The following AGAP1 variants were observed in gnomAD, a reference collection of about 807,000 sequenced individuals.
The protein encoded by AGAP1 is arf-GAP with GTPase, ANK repeat and PH domain-containing protein 1.
A neutral mutation model predicts 105.3 loss-of-function variants in AGAP1; 29 were observed. The ratio of observed to expected loss-of-function variants is 0.28; its 90% CI spans 0.21 to 0.38. AGAP1 has a LOEUF of 0.38. Ranked by LOEUF, AGAP1 falls within the 10% of genes least tolerant of loss-of-function variation. AGAP1 has a pLI of 1.00. For missense variants in AGAP1, 998 were observed against 1,165.1 expected, an observed-to-expected ratio of 0.86 and a Z score of 2.09; for synonymous variants, 509 against 485.9, an observed-to-expected ratio of 1.05 and a Z score of -0.63.
intron 9 of AGAP1, among the ~76,000 whole-genome samples, chr2:235,832,533 G>A (rs1559540503): frequency 1.3e-5 from 2 of 152,194 alleles, no homozygotes; most frequent in Non-Finnish European, 2.9e-5. Context: ...TTTATACATT[G>A]TATGAAATGT....
intron 1 of AGAP1, among the ~76,000 whole-genome samples, chr2:235,694,727 T>G (rs1949917572): frequency 6.6e-6 from 1 of 152,096 alleles, no homozygotes; most frequent in South Asian, 2.1e-4. Flanking sequence ...CTCAGGCATC[T>G]CCTGGGCACC....
chr2:235,631,362 C>T lies in AGAP1; in HGVS notation c.164-77817C>T, dbSNP rs1251225114. Among the ~76,000 whole-genome samples, 1 of 152,160 alleles carries T rather than the reference C, an allele frequency of 6.6e-6. No homozygotes were observed. The highest frequency in any genetic ancestry group is 2.4e-5 in the African/African-American group (1 of 41,448). On this transcript the variant is annotated intron_variant, in intron 1 of 17. Coordinates refer to ENST00000304032, the MANE Select transcript of AGAP1 (RefSeq NM_001037131.3). This position sits in a 1 kb window ranked among gnomAD's most constrained non-coding sequence, Gnocchi z 5.4. ...AGGACGATGGATTAGCCAACCATGA[C>T]CGGCCAGGCTGTGCGAGCTAGCCAA...
intron 16 of AGAP1, among the ~76,000 whole-genome samples, chr2:236,112,466 A>G (rs1284145746): frequency 6.6e-6 from 1 of 150,968 alleles, no homozygotes; most frequent in African/African-American, 2.4e-5. Context: ...CACAACCCTG[A>G]CTTGCACATT....
chr2:235,870,244 A>T (rs549876535), intron 9 of AGAP1, among the ~76,000 whole-genome samples: 73 of 152,348 alleles, frequency 4.8e-4, no homozygotes, highest in African/African-American at 1.7e-3. Context: ...GGTTCCTTGC[A>T]TGTGGTCCTC....
intron 1 of AGAP1, among the ~76,000 whole-genome samples, chr2:235,509,485 A>C (rs1394212945): frequency 1.3e-5 from 2 of 152,236 alleles, no homozygotes; most frequent in African/African-American, 4.8e-5. Flanking sequence ...CACCCTCCTC[A>C]GCCTCCCAAA....
At chr2:235,784,116 TTAA>T (rs1956458317) in intron 6 of AGAP1, among the ~76,000 whole-genome samples, 1 of 152,136 alleles carries the variant, frequency 6.6e-6, no homozygotes, top group South Asian at 2.1e-4. Context: ...AAAAAATGTG[TTAA>T]TAAAATATAG....
chr2:235,715,189 A>G (rs1379013277), intron 2 of AGAP1, among the ~76,000 whole-genome samples: 2 of 151,460 alleles, frequency 1.3e-5, no homozygotes, highest in Non-Finnish European at 2.9e-5. Flanking sequence ...CTTTATTTCC[A>G]TCTCTCCTCC....
rs1014894819 is a variant in AGAP1 at position 235,690,864 on chromosome 2, GTT to G, written c.164-18312_164-18311del. On this transcript the variant is annotated intron_variant, in intron 1 of 17. Transcript: ENST00000304032. This position sits in a 1 kb window ranked among gnomAD's most constrained non-coding sequence, Gnocchi z 4.1. ...TTGGTTTCGAGAAGTCAAAATCAATGTTTTATTTTCAGAGTTCTAAATCCAGC... is the reference window on the plus strand; with the variant it reads ...TTGGTTTCGAGAAGTCAAAATCAATGTTATTTTCAGAGTTCTAAATCCAGC... 9.9e-5 allele frequency among the ~76,000 whole-genome samples: 15 copies of G among 152,168 alleles called. No homozygotes were observed. Among genetic ancestry groups the G allele is most frequent in the Admixed American group, 7.2e-4 (11 of 15,274 alleles).
chr2:235,916,007 T>C (rs757783616), intron 11 of AGAP1, among the ~76,000 whole-genome samples: 1 of 152,140 alleles, frequency 6.6e-6, no homozygotes, highest in Non-Finnish European at 1.5e-5. Context: ...AATGGAAATA[T>C]TCCCTCCTAA....
In AGAP1 at chr2:235,898,014, G is replaced by A. The variant is rs958365152; in HGVS notation, c.1156-10724G>A. 7.9e-5 allele frequency among the ~76,000 whole-genome samples: 12 copies of A among 152,160 alleles called. No individual in the cohort carries two copies. In the South Asian group the frequency reaches 2.5e-3, roughly 32 times the overall value. On this transcript the variant is annotated intron_variant, in intron 10 of 17. Coordinates refer to ENST00000304032, the MANE Select transcript of AGAP1 (RefSeq NM_001037131.3). The stretch of plus-strand genomic sequence containing the variant: ...TTTTCTAATCAACAGCAATCTAGCT[G>A]CAGCCCCCTCGATGGCTGGGAGGGC...
At chr2:236,006,931 C>A (rs2056341441) in intron 13 of AGAP1, among the ~76,000 whole-genome samples, 1 of 152,044 alleles carries the variant, frequency 6.6e-6, no homozygotes, top group Non-Finnish European at 1.5e-5. Context: ...ACTTTTTATT[C>A]CGTTGTTGTG....
chr2:236,071,913 C>A (rs919836519), intron 16 of AGAP1, among the ~76,000 whole-genome samples: 6 of 152,008 alleles, frequency 3.9e-5, no homozygotes, highest in African/African-American at 1.4e-4. Flanking sequence ...GTTTTAAAAA[C>A]CAATCCAGAT....
rs933250021 is a variant in AGAP1 at position 235,843,921 on chromosome 2, C to T, written c.1050+36590C>T. Among the ~76,000 whole-genome samples the T allele has an allele frequency of 6.6e-6, 1 of 152,230 alleles. No homozygotes were observed. The highest frequency in any genetic ancestry group is 1.5e-5 in the Non-Finnish European group (1 of 68,048). ...GTGTGGAGCTGGCCGAGAAAGGAGC[C>T]TGCTTCCCAGCATGGCCTCACATTG... On this transcript the variant is annotated intron_variant, in intron 9 of 17. Transcript: ENST00000304032. The surrounding 1 kb of genome is among the most constrained non-coding windows in gnomAD (Gnocchi z 5.9).
chr2:235,653,811 C>G (rs1388292754), intron 1 of AGAP1, among the ~76,000 whole-genome samples: 2 of 152,230 alleles, frequency 1.3e-5, no homozygotes, highest in South Asian at 2.1e-4. Context: ...AATCACAACA[C>G]TTTGGATGGC....
At chr2:235,534,692 A>G (rs1380298106) in intron 1 of AGAP1, among the ~76,000 whole-genome samples, 1 of 152,220 alleles carries the variant, frequency 6.6e-6, no homozygotes, top group Non-Finnish European at 1.5e-5. Flanking sequence ...CCTCAGGGAT[A>G]CACGGTGCCA....
chr2:235,666,821 T>G (rs1374811415), intron 1 of AGAP1, among the ~76,000 whole-genome samples: 1 of 152,006 alleles, frequency 6.6e-6, no homozygotes, highest in Non-Finnish European at 1.5e-5. Flanking sequence ...GCCAGATAGA[T>G]TTACATACCT....
rs549963429 is a variant in AGAP1, at chr2:235,908,144, A to G, written c.1156-594A>G. 2.0e-5 allele frequency among the ~76,000 whole-genome samples: 3 copies of G among 152,260 alleles called. No individual in the cohort carries two copies. Among genetic ancestry groups the G allele is most frequent in the East Asian group, 1.9e-4 (1 of 5,178 alleles). On this transcript the variant is annotated intron_variant, in intron 10 of 17. Coordinates refer to ENST00000304032, the MANE Select transcript of AGAP1 (RefSeq NM_001037131.3). This position sits in a 1 kb window ranked among gnomAD's most constrained non-coding sequence, Gnocchi z 4.4. The stretch of plus-strand genomic sequence containing the variant: ...TTAAGTGAGCTGCCAGAGAGCAGTC[A>G]CTGTCCACCGAGGCTTCCCTGTAGT...
chr2:235,771,607 C>G (rs1325161240), intron 6 of AGAP1, among the ~76,000 whole-genome samples: 2 of 152,212 alleles, frequency 1.3e-5, no homozygotes, highest in African/African-American at 2.4e-5. Context: ...TGATCCCCAC[C>G]TGGAGAGGCT....
intron 9 of AGAP1, among the ~76,000 whole-genome samples, chr2:235,825,765 TC>T (rs1959029151): frequency 6.6e-6 from 1 of 152,152 alleles, no homozygotes; most frequent in South Asian, 2.1e-4. Flanking sequence ...CCTCTCTAGG[TC>T]CAAAAAATAG....
Sources: allele counts gnomAD v4.1 joint callset (sites outside exome capture counted in the v4.1 genomes callset), GRCh38; gene constraint gnomAD v4.1.1; non-coding constraint Gnocchi (gnomAD v3.1); transcripts MANE v1.5; gene names NCBI Gene and HGNC (gene_info 2026-07-23, HGNC 2026-07-21).